The following ST6GALNAC5 variants were observed in gnomAD, a reference collection of about 807,000 sequenced individuals.
The protein encoded by ST6GALNAC5 is ST6 N-acetylgalactosaminide alpha-2,6-sialyltransferase 5, also known as alpha-N-acetylgalactosaminide alpha-2,6-sialyltransferase 5.
ST6GALNAC5 carries 27 observed loss-of-function variants against 33.6 expected under a neutral mutation model. That is an observed-to-expected ratio of 0.80 (90% CI 0.59 to 1.11). The LOEUF (loss-of-function observed/expected upper bound fraction) is 1.11. Among genes scored for constraint, ST6GALNAC5 ranks in the 50% least tolerant of loss-of-function variants. ST6GALNAC5 has a pLI of 0.00. For synonymous variants in ST6GALNAC5, 194 were observed against 171.2 expected (o/e 1.13, Z -1.04); for missense variants, 428 against 454.0 (o/e 0.94, Z 0.52).
At position 77,007,165 on chromosome 1, in the gene ST6GALNAC5, G is replaced by C. The variant is rs1650454036; in HGVS notation, c.262-37039G>C. Among the ~76,000 whole-genome samples, 3 of 152,312 alleles carry C rather than the reference G, an allele frequency of 2.0e-5. No individual in the cohort carries two copies. In the South Asian group the frequency reaches 6.2e-4, roughly 32 times the overall value. On this transcript the variant is annotated intron_variant, in intron 2 of 4. Coordinates refer to ENST00000477717, the MANE Select transcript of ST6GALNAC5 (RefSeq NM_030965.3). ...GACACAGCGAGGCAGAAAAAGAGCT[G>C]AGACCATTACTATTATTATTCCACC...
intron 2 of ST6GALNAC5, among the ~76,000 whole-genome samples, chr1:77,012,792 T>C (rs1334712854): frequency 6.6e-6 from 1 of 152,210 alleles, no homozygotes; most frequent in Non-Finnish European, 1.5e-5. Flanking sequence ...AATTAGGCAG[T>C]ACTCTAGGGG....
chr1:76,951,925 G>A (rs1647765725), intron 2 of ST6GALNAC5, among the ~76,000 whole-genome samples: 1 of 152,024 alleles, frequency 6.6e-6, no homozygotes, highest in African/African-American at 2.4e-5. Flanking sequence ...TAAGAAGAAG[G>A]TGAAACCAAA....
chr1:76,880,900 A>G (rs544118265), intron 2 of ST6GALNAC5, among the ~76,000 whole-genome samples: 1 of 152,324 alleles, frequency 6.6e-6, no homozygotes, highest in African/African-American at 2.4e-5. Flanking sequence ...GAAACATGAT[A>G]CCTATTATAA....
chr1:76,985,426 T>A (rs930697704), intron 2 of ST6GALNAC5, among the ~76,000 whole-genome samples: 1 of 151,984 alleles, frequency 6.6e-6, no homozygotes, highest in Admixed American at 6.6e-5. Context: ...ACAAAGAGAA[T>A]AAAATACCTA....
chr1:76,904,009 C>G (rs1468565147), intron 2 of ST6GALNAC5, among the ~76,000 whole-genome samples: 2 of 152,114 alleles, frequency 1.3e-5, no homozygotes, highest in African/African-American at 4.8e-5. Context: ...TTAAAACCAT[C>G]CAATTCCGTG....
intron 2 of ST6GALNAC5, among the ~76,000 whole-genome samples, chr1:77,036,262 A>G (rs1208859481): frequency 6.6e-6 from 1 of 152,232 alleles, no homozygotes; most frequent in Non-Finnish European, 1.5e-5. Context: ...AGGGCTGGAC[A>G]TGGAAGGGAC....
chr1:76,960,740 T>C (rs1648199671), intron 2 of ST6GALNAC5, among the ~76,000 whole-genome samples: 1 of 152,168 alleles, frequency 6.6e-6, no homozygotes, highest in African/African-American at 2.4e-5. Flanking sequence ...TTTCTCCCAT[T>C]TGCTTTTGAA....
chr1:76,906,122 T>G (rs1234362107), intron 2 of ST6GALNAC5, among the ~76,000 whole-genome samples: 2 of 152,178 alleles, frequency 1.3e-5, no homozygotes, highest in Admixed American at 6.5e-5. Flanking sequence ...GCAAATGGTA[T>G]TTAAGCTGTT....
In ST6GALNAC5 at chr1:77,065,212, T is replaced by C. The variant is rs1652731823; in HGVS notation, c.*2006T>C. 1 of 152,226 alleles carries C rather than the reference T, an allele frequency of 6.6e-6. No homozygotes were observed. The highest frequency in any genetic ancestry group is 6.5e-5 in the Admixed American group (1 of 15,292). 9.4% of individuals were successfully genotyped at this position (152,226 alleles called of 1,614,324 possible). The stretch of plus-strand genomic sequence containing the variant: ...TTATAATCACTTGAAGACGTTATGT[T>C]GCTCAAACATAAGTGGCTCCTTTGG... On this transcript the variant is annotated 3_prime_UTR_variant, in exon 5 of 5. Transcript: ENST00000477717.
chr1:77,027,149 A>G lies in ST6GALNAC5; in HGVS notation c.262-17055A>G, dbSNP rs191489681. On this transcript the variant is annotated intron_variant, in intron 2 of 4. Transcript: ENST00000477717. ...CTGCTCAGTGCTTCTGGATCCTTTCACGGTTCTGTAATGTACTCAGTCCCC... is the reference window on the plus strand; with the variant it reads ...CTGCTCAGTGCTTCTGGATCCTTTCGCGGTTCTGTAATGTACTCAGTCCCC... Among the ~76,000 whole-genome samples, 12 of 152,346 alleles carry G rather than the reference A, an allele frequency of 7.9e-5. No individual in the cohort carries two copies. The East Asian group carries it at 9.6e-4, about 12-fold the overall frequency.
intron 2 of ST6GALNAC5, among the ~76,000 whole-genome samples, chr1:76,952,987 A>T (rs1252601): frequency 0.6 from 91,761 of 151,808 alleles, 28,252 homozygotes; most frequent in African/African-American, 0.71. Context: ...TAAGAATAAT[A>T]CCCTAGTTTC....
intron 2 of ST6GALNAC5, among the ~76,000 whole-genome samples, chr1:76,976,737 A>T (rs1435111779): frequency 6.6e-6 from 1 of 152,116 alleles, no homozygotes. Flanking sequence ...CTCTATTTTT[A>T]TAGTCCCCCC....
At chr1:76,909,971 G>T (rs945624451) in intron 2 of ST6GALNAC5, among the ~76,000 whole-genome samples, 3 of 152,020 alleles carry the variant, frequency 2.0e-5, no homozygotes, top group Non-Finnish European at 2.9e-5. Flanking sequence ...AAGGAAAAAG[G>T]TTCTGTAGTC....
chr1:77,020,581 T>C (rs1197013179), intron 2 of ST6GALNAC5, among the ~76,000 whole-genome samples: 1 of 152,064 alleles, frequency 6.6e-6, no homozygotes, highest in Non-Finnish European at 1.5e-5. Context: ...TTGTATTTCT[T>C]TTAGAGATGA....
chr1:76,991,226 C>G (rs1287983432), intron 2 of ST6GALNAC5, among the ~76,000 whole-genome samples: 1 of 152,068 alleles, frequency 6.6e-6, no homozygotes, highest in Non-Finnish European at 1.5e-5. Context: ...AAATTTTATT[C>G]AGAATAAAAT....
chr1:76,884,521 G>A (rs919547417), intron 2 of ST6GALNAC5, among the ~76,000 whole-genome samples: 4 of 152,148 alleles, frequency 2.6e-5, no homozygotes, highest in East Asian at 1.9e-4. Flanking sequence ...TAAAAGTGCC[G>A]CAGGAAAAGG....
At chr1:76,918,961 C>T (rs1417046512) in intron 2 of ST6GALNAC5, among the ~76,000 whole-genome samples, 1 of 152,164 alleles carries the variant, frequency 6.6e-6, no homozygotes, top group East Asian at 1.9e-4. Flanking sequence ...TGTAAAACAG[C>T]ATTAAAATCC....
At chr1:76,992,007 G>A (rs1290561217) in intron 2 of ST6GALNAC5, among the ~76,000 whole-genome samples, 1 of 152,012 alleles carries the variant, frequency 6.6e-6, no homozygotes, top group Non-Finnish European at 1.5e-5. Context: ...AATTTCTTCA[G>A]TGTTTTCTAC....
At position 77,066,666 on chromosome 1, in the gene ST6GALNAC5, C is replaced by T. The variant is rs754127011; in HGVS notation, c.*3460C>T. Among the ~76,000 whole-genome samples, 2 of 152,184 alleles carry T rather than the reference C, an allele frequency of 1.3e-5. No individual in the cohort carries two copies. The highest frequency in any genetic ancestry group is 2.9e-5 in the Non-Finnish European group (2 of 68,024). On this transcript the variant is annotated 3_prime_UTR_variant, in exon 5 of 5. Coordinates refer to ENST00000477717, the MANE Select transcript of ST6GALNAC5 (RefSeq NM_030965.3). The stretch of plus-strand genomic sequence containing the variant: ...TGGTTCAAATTGTTAAATAAACCTA[C>T]TCTGAAAGAAGGGTCCATGTTCCTA...
Sources: allele counts gnomAD v4.1 joint callset (sites outside exome capture counted in the v4.1 genomes callset), GRCh38; gene constraint gnomAD v4.1.1; transcripts MANE v1.5; gene names NCBI Gene and HGNC (gene_info 2026-07-23, HGNC 2026-07-21).